The following ULK4 variants were observed in gnomAD, a reference collection of about 807,000 sequenced individuals.
ULK4 encodes the protein unc-51 like kinase 4.
In ULK4, 133 loss-of-function variants were observed where a neutral mutation model predicts 160.6. The ratio of observed to expected loss-of-function variants is 0.83; its 90% confidence interval spans 0.72 to 0.96. The LOEUF (loss-of-function observed/expected upper bound fraction) is 0.96, where lower values mean the gene tolerates loss of function less well. ULK4 is among the 40% of genes least tolerant of loss of function. ULK4 has a pLI of 0.00. For synonymous variants in ULK4, 534 were observed against 539.8 expected, an observed-to-expected ratio of 0.99 and a Z score of 0.15; for missense variants, 1,580 against 1,499.5, an observed-to-expected ratio of 1.05 and a Z score of -0.89.
chr3:41,866,464 A>C (rs532153366), intron 17 of ULK4, among the ~76,000 whole-genome samples: 1 of 152,312 alleles, frequency 6.6e-6, no homozygotes, highest in African/African-American at 2.4e-5. Flanking sequence ...GATTTTCATA[A>C]AGTGTGCACA....
intron 33 of ULK4, among the ~76,000 whole-genome samples, chr3:41,457,895 G>C (rs1392441517): frequency 2.0e-5 from 3 of 152,216 alleles, no homozygotes; most frequent in Non-Finnish European, 4.4e-5. Flanking sequence ...GGCGATAGAG[G>C]ATGCTAGCCT....
chr3:41,346,075 A>G (rs1575453008), intron 35 of ULK4, among the ~76,000 whole-genome samples: 1 of 152,066 alleles, frequency 6.6e-6, no homozygotes, highest in Admixed American at 6.6e-5. Context: ...AACAACAGAG[A>G]GATAACGCAG....
chr3:41,363,078 C>T (rs2081180591), intron 35 of ULK4, among the ~76,000 whole-genome samples: 1 of 152,236 alleles, frequency 6.6e-6, no homozygotes, highest in Non-Finnish European at 1.5e-5. Flanking sequence ...CTGAGCCACA[C>T]TGCCTATCCC....
At chr3:41,846,927 G>A (rs2042084004) in intron 17 of ULK4, among the ~76,000 whole-genome samples, 1 of 152,006 alleles carries the variant, frequency 6.6e-6, no homozygotes, top group African/African-American at 2.4e-5. Context: ...GGGTTTTTTG[G>A]TGTTATTTCT....
chr3:41,460,996 C>T (rs928926580), intron 33 of ULK4, among the ~76,000 whole-genome samples: 1 of 152,086 alleles, frequency 6.6e-6, no homozygotes, highest in African/African-American at 2.4e-5. Flanking sequence ...GTCCCCACCA[C>T]ACCACTGAGT....
chr3:41,721,437 G>A (rs748509588), intron 22 of ULK4, among the ~76,000 whole-genome samples: 98 of 135,292 alleles, frequency 7.2e-4, no homozygotes, highest in Non-Finnish European at 1.4e-3. Flanking sequence ...GCACAATCTC[G>A]GTTCAATGCA....
intron 31 of ULK4, among the ~76,000 whole-genome samples, chr3:41,572,604 C>CA (rs35989954): frequency 0.71 from 103,883 of 146,518 alleles, 37,104 homozygotes; most frequent in East Asian, 0.89. Context: ...ACTAAAAATA[C>CA]AAAAAAAAAA....
rs751620203 is a variant in ULK4 at position 41,615,661 on chromosome 3, G to A, written c.3120+8C>T. On this transcript the variant is annotated splice_region_variant and intron_variant, in intron 31 of 36. Coordinates refer to ENST00000301831, the MANE Select transcript of ULK4 (RefSeq NM_017886.4). Reference sequence around the variant, plus strand: ...ATTTGAATTTCAAATGCACATTTCCGTTCTTACCAGAGTTACTTCAAAAAT... The same window carrying A: ...ATTTGAATTTCAAATGCACATTTCCATTCTTACCAGAGTTACTTCAAAAAT... 2.4e-5 allele frequency: 39 copies of A among 1,612,156 alleles called. No individual in the cohort carries two copies. Among genetic ancestry groups the A allele is most frequent in the African/African-American group, 6.7e-5 (5 of 74,854 alleles).
chr3:41,940,686 CTTAT>C (rs1404305250), intron 2 of ULK4, among the ~76,000 whole-genome samples: 15 of 152,142 alleles, frequency 9.9e-5, no homozygotes, highest in East Asian at 5.8e-4. Context: ...AACATTCTTA[CTTAT>C]TTTCTATTCA....
At chr3:41,468,689 C>A (rs1039985017) in intron 32 of ULK4, among the ~76,000 whole-genome samples, 1 of 152,164 alleles carries the variant, frequency 6.6e-6, no homozygotes, top group African/African-American at 2.4e-5. Context: ...ACTATACTAC[C>A]TTTCCACCTC....
chr3:41,328,974 A>G (rs910979837), intron 35 of ULK4, among the ~76,000 whole-genome samples: 5 of 143,470 alleles, frequency 3.5e-5, no homozygotes, highest in African/African-American at 7.8e-5. Context: ...GAATTTTAAC[A>G]TGTTAATCTC....
chr3:41,917,314 GCTACATA>G, intron 7 of ULK4, among the ~76,000 whole-genome samples: 1 of 152,078 alleles, frequency 6.6e-6, no homozygotes, highest in African/African-American at 2.4e-5. Context: ...GACAAGCTAG[GCTACATA>G]CCAAGACCTT....
At chr3:41,742,627 A>C (rs2038280558) in intron 22 of ULK4, among the ~76,000 whole-genome samples, 2 of 152,070 alleles carry the variant, frequency 1.3e-5, no homozygotes, top group East Asian at 3.9e-4. Flanking sequence ...AAAGACCATC[A>C]ACACATACTA....
intron 17 of ULK4, among the ~76,000 whole-genome samples, chr3:41,845,140 T>C (rs2042037874): frequency 6.6e-6 from 1 of 152,110 alleles, no homozygotes; most frequent in Admixed American, 6.6e-5. Flanking sequence ...TAATTTTTTG[T>C]ATTTTTAGTA....
At chr3:41,325,673 T>A (rs1242522296) in intron 35 of ULK4, among the ~76,000 whole-genome samples, 1 of 152,086 alleles carries the variant, frequency 6.6e-6, no homozygotes, top group Non-Finnish European at 1.5e-5. Flanking sequence ...CCCAGCACTT[T>A]GGGAGGCTGA....
intron 32 of ULK4, among the ~76,000 whole-genome samples, chr3:41,470,044 A>AAAAAAAAAAAAAAAAAAC (rs1415943037): frequency 6.0e-5 from 7 of 116,682 alleles, no homozygotes; most frequent in Admixed American, 8.3e-5. Flanking sequence ...AAAAAAAAAA[A>AAAAAAAAAAAAAAAAAAC]AACAAAGTAT....
chr3:41,355,487 A>G (rs1575462211), intron 35 of ULK4, among the ~76,000 whole-genome samples: 1 of 152,238 alleles, frequency 6.6e-6, no homozygotes, highest in Non-Finnish European at 1.5e-5. Context: ...ATTTTGGGAT[A>G]GAAAGTCTTC....
In ULK4 at chr3:41,822,722, A is replaced by ATTTT. The variant is rs1199516780; in HGVS notation, c.1765-3220_1765-3217dup. The stretch of plus-strand genomic sequence containing the variant: ...GCATAAGCCACCATGCCGGGCTGAG[A>ATTTT]TTTTTTTTTTTTTTTTTTTGAGACA... On this transcript the variant is annotated intron_variant, in intron 18 of 36. Coordinates refer to ENST00000301831, the MANE Select transcript of ULK4 (RefSeq NM_017886.4). Among the ~76,000 whole-genome samples, 58 of 109,462 alleles carry ATTTT rather than the reference A, an allele frequency of 5.3e-4. 3 individuals are homozygous for ATTTT. The highest frequency in any genetic ancestry group is 1.9e-3 in the African/African-American group (47 of 24,810). The allele number at this position is 109,462 out of a possible 152,430, so 71.8% of individuals were successfully genotyped here. A position where few individuals can be genotyped will look rare whatever the true frequency, so the allele number is the denominator to read the frequency against.
intron 35 of ULK4, chr3:41,277,833 C>G (rs2079255856): frequency 6.6e-6 from 1 of 152,162 alleles, no homozygotes; most frequent in South Asian, 2.1e-4. Context: ...TTTTTGCTTC[C>G]AAGATGGCCA....
Sources: gnomAD v4.1 joint callset for allele counts (sites outside exome capture counted in the v4.1 genomes callset) on GRCh38, gnomAD v4.1.1 for gene constraint, MANE v1.5 for transcripts, NCBI Gene and HGNC (gene_info 2026-07-23, HGNC 2026-07-21) for gene names.